Variants in MBD6 observed in about 807,000 individuals in gnomAD.
The protein encoded by MBD6 is methyl-CpG-binding domain protein 6.
In MBD6, 22 loss-of-function variants were observed where a neutral mutation model predicts 66.8. That is an observed-to-expected ratio of 0.33 (90% CI 0.24 to 0.47). The LOEUF is 0.47. Among genes scored for constraint, MBD6 ranks in the 20% least tolerant of loss-of-function variants. The probability of loss-of-function intolerance (pLI) is 1.00; values close to 1 mark genes in which losing one functional copy is unlikely to be tolerated. For missense variants in MBD6, 1,322 were observed against 1,286.9 expected (o/e 1.03, Z -0.42); for synonymous variants, 540 against 534.6 (o/e 1.01, Z -0.14).
chr12:57,525,864 T>G lies in MBD6; in HGVS notation c.896T>G (p.Leu299Arg). The change falls in exon 6 of 13, where the codon CTG (leucine) becomes CGG (arginine). Residue 299 changes from leucine to arginine, a missense_variant. Transcript: ENST00000355673. ...TCTTCAGCCACTATGCACCTGCCCC[T>G]GGTCCTGGGGCCCCTGGGAGGGGCC... The part of the protein sequence containing the change: ...PVSSATMHLP[L>R]VLGPLGGAPT... 1 of 1,523,040 alleles carries G rather than the reference T, an allele frequency of 6.6e-7. No individual in the cohort carries two copies. Among genetic ancestry groups the G allele is most frequent in the Non-Finnish European group, 8.8e-7 (1 of 1,131,146 alleles). The allele number at this position is 1,523,040 out of a possible 1,614,324, so 94.3% of individuals were successfully genotyped here. A position where few individuals can be genotyped will look rare whatever the true frequency, so the allele number is the denominator to read the frequency against.
chr12:57,526,480 T>C (rs899634882), intron 6 of MBD6, 86 bp from the exon 7 acceptor site: 13 of 1,511,562 alleles, frequency 8.6e-6, no homozygotes, highest in Non-Finnish European at 1.1e-5. Flanking sequence ...TTTGAGGGTT[T>C]TCTGGGTTGG....
upstream of MBD6, chr12:57,520,877 G>A (rs1477230465): frequency 6.2e-6 from 1 of 160,760 alleles, no homozygotes; most frequent in African/African-American, 2.4e-5. Context: ...GGTGGTGGGA[G>A]GTGCGGAGGG....
Position 57,526,666 on chromosome 12 carries a change from C to T in MBD6, c.1521C>T (p.Cys507=). The T allele has an allele frequency of 6.6e-7, 1 of 1,522,470 alleles. No homozygotes were observed. The highest frequency in any genetic ancestry group is 8.8e-7 in the Non-Finnish European group (1 of 1,136,366). 94.3% of individuals were successfully genotyped at this position (1,522,470 alleles called of 1,614,324 possible). ...TGGGGATGGGGGCAGGCCCGGCCTGCCCTCTGCCTCCCCTGGCTGGTGGAG... is the reference window on the plus strand; with the variant it reads ...TGGGGATGGGGGCAGGCCCGGCCTGTCCTCTGCCTCCCCTGGCTGGTGGAG... ...EGLGMGAGPA[C]PLPPLAGGEA... The change falls in exon 7 of 13, where the codon TGC becomes TGT. Residue 507 remains cysteine (C), a synonymous_variant. Coordinates refer to ENST00000355673, the MANE Select transcript of MBD6 (RefSeq NM_052897.4).
At chr12:57,524,215 TCCTCTCTCAGGTA>T in intron 2 of MBD6, 52 bp from the exon 3 acceptor site, 1 of 1,001,424 alleles carries the variant, frequency 1.0e-6, no homozygotes. Flanking sequence ...CTTCCTGGAG[TCCTCTCTCAGGTA>T]CTTCGCTCAG....
chr12:57,528,267 C>G lies in MBD6; in HGVS notation c.2527C>G (p.Pro843Ala). Residue 843 changes from proline to alanine, a missense_variant, in exon 10 of 13, where the codon CCC (proline) becomes GCC (alanine). Pro to Ala is a conservative substitution (Grantham distance 27). Transcript: ENST00000355673. ...AGCCCCACCCCATGGTTCTCCCGAC[C>G]CCCCAGTCCCTGAGCTGCTCACTGG... is the stretch of plus-strand genomic sequence containing the variant. ...ALAPPHGSPDPPVPELLTGRG... is the reference protein window; with the variant it reads ...ALAPPHGSPDAPVPELLTGRG... 1 of 1,604,634 alleles carries G rather than the reference C, an allele frequency of 6.2e-7. No homozygotes were observed. The highest frequency in any genetic ancestry group is 8.5e-7 in the Non-Finnish European group (1 of 1,175,628).
Position 57,530,111 on chromosome 12 carries a change from A to G in MBD6, c.*877A>G, listed in dbSNP as rs576842116. ...CCTCCACTGCTTTTCTATGGGAGAC[A>G]CTCTTAATTTAACAGATGAGAATAT... On this transcript the variant is annotated 3_prime_UTR_variant, in exon 13 of 13. Coordinates refer to ENST00000355673, the MANE Select transcript of MBD6 (RefSeq NM_052897.4). The G allele has an allele frequency of 6.6e-6, 1 of 152,378 alleles. No individual in the cohort carries two copies. Among genetic ancestry groups the G allele is most frequent in the Non-Finnish European group, 1.5e-5 (1 of 68,020 alleles). The allele number at this position is 152,378 out of a possible 1,614,324, so 9.4% of individuals were successfully genotyped here.
chr12:57,527,957 A>C lies in MBD6; in HGVS notation c.2346A>C (p.Gly782=). ...QLGLQLLPGG[G]APPPLSEASS... ...GGCTGCAGCTCCTCCCTGGGGGGGG[A>C]GCTCCTCCACCCCTCTCAGAGGCTT... The change falls in exon 9 of 13, where the codon GGA becomes GGC. Residue 782 remains glycine, a synonymous_variant. Coordinates refer to ENST00000355673, the MANE Select transcript of MBD6 (RefSeq NM_052897.4). 1.3e-6 allele frequency: 2 copies of C among 1,587,240 alleles called. No homozygotes were observed. The highest frequency in any genetic ancestry group is 1.7e-6 in the Non-Finnish European group (2 of 1,169,478).
In MBD6 at chr12:57,529,308, C is replaced by T. The variant is rs2140102711; in HGVS notation, c.*74C>T. 3 of 1,489,596 alleles carry T rather than the reference C, an allele frequency of 2.0e-6. No individual in the cohort carries two copies. The South Asian group carries it at 3.4e-5, about 17-fold the overall frequency. The allele number at this position is 1,489,596 out of a possible 1,614,324, so 92.3% of individuals were successfully genotyped here. ...CTGAGCCTTGGGAGCCCCTGCCAGC[C>T]ACCTGCACCTGTGGACAGTGGGTGG... On this transcript the variant is annotated 3_prime_UTR_variant, in exon 13 of 13. Transcript: ENST00000355673.
At chr12:57,525,308 GGGAGCCACA>G (rs1878799735) in intron 5 of MBD6, 31 bp from the exon 6 acceptor site, 2 of 1,534,094 alleles carry the variant, frequency 1.3e-6, no homozygotes, top group Non-Finnish European at 1.7e-6. Context: ...TTTTTGGAAG[GGGAGCCACA>G]GGCTGACCCT....
chr12:57,530,467 C>T, downstream of MBD6: 1 of 483,892 alleles, frequency 2.1e-6, no homozygotes, highest in Non-Finnish European at 3.7e-6. Flanking sequence ...CCTTATCCCC[C>T]AGGCCTGAGG....
chr12:57,526,080 C>T lies in MBD6; in HGVS notation c.1112C>T (p.Thr371Ile). The change falls in exon 6 of 13, where the codon ACT becomes ATT. Residue 371 changes from threonine to isoleucine, a missense_variant. By Grantham distance (89) the Thr-to-Ile change is moderately conservative. Transcript: ENST00000355673. ...CAGCGTCGTCCCCGCAGACCCCCTACTGTATTTCGATTGCTAGAAGGGAGA... is the reference window on the plus strand; with the variant it reads ...CAGCGTCGTCCCCGCAGACCCCCTATTGTATTTCGATTGCTAGAAGGGAGA... ...PSQRRPRRPP[T>I]VFRLLEGRGP... The T allele has an allele frequency of 1.2e-6, 2 of 1,613,978 alleles. No individual in the cohort carries two copies. Among genetic ancestry groups the T allele is most frequent in the Non-Finnish European group, 1.7e-6 (2 of 1,179,938 alleles).
At chr12:57,523,494 G>A (rs1878589147) in intron 1 of MBD6, 1 of 152,232 alleles carries the variant, frequency 6.6e-6, no homozygotes, top group South Asian at 2.1e-4. Flanking sequence ...AGCTTCCCAG[G>A]ATCCTGGGAG....
Position 57,524,275 on chromosome 12 carries a change from A to G in MBD6, c.-24-5A>G. The G allele has an allele frequency of 6.7e-7, 1 of 1,494,752 alleles. No homozygotes were observed. The highest frequency in any genetic ancestry group is 1.3e-5 in the South Asian group (1 of 75,896). 92.6% of individuals were successfully genotyped at this position (1,494,752 alleles called of 1,614,324 possible). A position where few individuals can be genotyped will look rare whatever the true frequency, so the allele number is the denominator to read the frequency against. On this transcript the variant is annotated splice_polypyrimidine_tract_variant and splice_region_variant and intron_variant, in intron 2 of 12. Transcript: ENST00000355673. ...TAGTGCCTACATGGATGTCTGTGTT[A>G]TCAGGCACGCGGGAGCTGATTACAC...
At position 57,528,244 on chromosome 12, in the gene MBD6, C is replaced by A; in HGVS notation, c.2504C>A (p.Ala835Asp). The change falls in exon 10 of 13, where the codon GCC becomes GAC. Residue 835 changes from alanine to aspartate, a missense_variant. By Grantham distance (126) the Ala-to-Asp change is moderately radical. Transcript: ENST00000355673. ...GCCAGGCCTCCCCTCAGTGCCTTAG[C>A]CCCACCCCATGGTTCTCCCGACCCC... ...EPARPPLSAL[A>D]PPHGSPDPPV... 6.2e-7 allele frequency: 1 copy of A among 1,607,762 alleles called. No homozygotes were observed. Among genetic ancestry groups the A allele is most frequent in the Admixed American group, 1.7e-5 (1 of 59,288 alleles).
At position 57,528,928 on chromosome 12, in the gene MBD6, C is replaced by A; in HGVS notation, c.2874-18C>A. On this transcript the variant is annotated intron_variant, in intron 11 of 12. Transcript: ENST00000355673. ...GTGCTTGGGAGCTGTTCCTGATCAT[C>A]TGTGCCCCTTATTGCAGCCCTACCC... 1.2e-6 allele frequency: 2 copies of A among 1,614,188 alleles called. No individual in the cohort carries two copies. The highest frequency in any genetic ancestry group is 1.7e-6 in the Non-Finnish European group (2 of 1,180,030).
downstream of MBD6, among the ~76,000 whole-genome samples, chr12:57,531,516 TAAA>T (rs1476231715): frequency 6.6e-6 from 1 of 152,014 alleles, no homozygotes. Context: ...GACTCTGTCT[TAAA>T]AATAAAAAAC....
chr12:57,531,350 C>G (rs923546334), downstream of MBD6, among the ~76,000 whole-genome samples: 21 of 151,786 alleles, frequency 1.4e-4, no homozygotes, highest in African/African-American at 5.1e-4. Flanking sequence ...TGGTGAAACC[C>G]CGTCTCTACT....
chr12:57,527,483 G>A (rs769579389), intron 7 of MBD6, 24 bp from the exon 8 acceptor site: 2 of 1,613,456 alleles, frequency 1.2e-6, no homozygotes, highest in South Asian at 2.2e-5. Context: ...ACGCGTAAGT[G>A]TTAGAATCAT....
At chr12:57,530,708 A>G, downstream of MBD6, 3 of 1,613,890 alleles carry the variant, frequency 1.9e-6, no homozygotes, top group South Asian at 2.2e-5. Context: ...CAGCTTCTTC[A>G]TCCGTTCATC....
Sources: allele counts gnomAD v4.1 joint callset (sites outside exome capture counted in the v4.1 genomes callset), GRCh38; gene constraint gnomAD v4.1.1; transcripts MANE v1.5; gene names NCBI Gene and HGNC (gene_info 2026-07-23, HGNC 2026-07-21).